Variants in PTPN13 observed in about 807,000 individuals in gnomAD.
PTPN13 encodes protein tyrosine phosphatase non-receptor type 13.
PTPN13 carries 191 observed loss-of-function variants against 284.0 expected under a neutral mutation model. That is an observed-to-expected ratio of 0.67 (90% confidence interval 0.60 to 0.76). The LOEUF is 0.76. Ranked by LOEUF, PTPN13 falls within the 30% of genes least tolerant of loss-of-function variation. The pLI, the probability that PTPN13 is intolerant of heterozygous loss-of-function variation, is 0.00. For synonymous variants in PTPN13, 986 were observed against 1,022.3 expected (o/e 0.96, Z 0.68); for missense variants, 2,797 against 2,939.9 (o/e 0.95, Z 1.12).
At chr4:86,618,135 T>G (rs1265150288) in intron 1 of PTPN13, among the ~76,000 whole-genome samples, 4 of 152,134 alleles carry the variant, frequency 2.6e-5, no homozygotes, top group Non-Finnish European at 5.9e-5. Flanking sequence ...AGTTTCAGCT[T>G]TCTACATATG....
intron 1 of PTPN13, among the ~76,000 whole-genome samples, chr4:86,607,029 A>G (rs1440617638): frequency 6.6e-6 from 1 of 151,908 alleles, no homozygotes; most frequent in Admixed American, 6.6e-5. Context: ...TAAATTCATT[A>G]AACCTCTTAA....
chr4:86,696,071 A>G (rs923274557), intron 6 of PTPN13, among the ~76,000 whole-genome samples: 1 of 151,968 alleles, frequency 6.6e-6, no homozygotes, highest in African/African-American at 2.4e-5. Flanking sequence ...TTCAGAAATT[A>G]ATTGTTACAT....
chr4:86,779,348 T>TG (rs1741025697), intron 35 of PTPN13, among the ~76,000 whole-genome samples: 2 of 144,952 alleles, frequency 1.4e-5, no homozygotes, highest in African/African-American at 5.2e-5. Flanking sequence ...ACCCGGGAGG[T>TG]GGAGCTTGCA....
chr4:86,678,526 G>A (rs553376525), intron 3 of PTPN13, among the ~76,000 whole-genome samples: 1 of 152,278 alleles, frequency 6.6e-6, no homozygotes, highest in South Asian at 2.1e-4. Flanking sequence ...CTAGCACCAT[G>A]CTCTTGACTT....
chr4:86,722,625 A>G (rs1288095506), intron 10 of PTPN13, among the ~76,000 whole-genome samples, 191 bp downstream of exon 10: 1 of 152,178 alleles, frequency 6.6e-6, no homozygotes, highest in Non-Finnish European at 1.5e-5. Context: ...AGCTATTTTC[A>G]TTATTTTATC....
intron 2 of PTPN13, among the ~76,000 whole-genome samples, chr4:86,665,577 AC>A (rs1565270364): frequency 6.6e-6 from 1 of 152,214 alleles, no homozygotes; most frequent in Non-Finnish European, 1.5e-5. Flanking sequence ...ATCTGTGCTA[AC>A]TAGGAATATC....
chr4:86,803,572 G>A lies in PTPN13; in HGVS notation c.6506-137G>A, dbSNP rs923099150. The A allele has an allele frequency of 4.3e-5, 40 of 925,158 alleles. No homozygotes were observed. In the Middle Eastern group the frequency reaches 8.9e-4, roughly 21 times the overall value. 57.3% of individuals were successfully genotyped at this position (925,158 alleles called of 1,614,324 possible). ...TACAGAACTGCACTCCATCGTAGGC[G>A]ACAGAACAAGATTCTATCTCTAAAT... On this transcript the variant is annotated intron_variant, in intron 42 of 47. Coordinates refer to ENST00000411767, the MANE Select transcript of PTPN13 (RefSeq NM_080683.3).
At chr4:86,775,884 A>G (rs1168969711) in intron 35 of PTPN13, among the ~76,000 whole-genome samples, 1 of 152,218 alleles carries the variant, frequency 6.6e-6, no homozygotes, top group African/African-American at 2.4e-5. Context: ...CAAGTAATAG[A>G]AAATAAAACT....
Position 86,701,745 on chromosome 4 carries a change from G to A in PTPN13, c.1139G>A (p.Arg380Gln), listed in dbSNP as rs374521472. 2.0e-5 allele frequency: 33 copies of A among 1,613,496 alleles called. No homozygotes were observed. Among genetic ancestry groups the A allele is most frequent in the Non-Finnish European group, 2.7e-5 (32 of 1,179,762 alleles). ...TCAGCAATATCAAGTGCTTTGGACC[G>A]AATCCGAGAGAGACAAAAGAAACTT... Reference protein sequence around the residue: ...TSSAISSALDRIRERQKKLQV... With the variant: ...TSSAISSALDQIRERQKKLQV... Residue 380 changes from arginine to glutamine, a missense_variant, in exon 7 of 48, where the codon CGA (arginine) becomes CAA (glutamine). By Grantham distance (43) the Arg-to-Gln change is conservative. Coordinates refer to ENST00000411767, the MANE Select transcript of PTPN13 (RefSeq NM_080683.3).
At chr4:86,794,903 T>C (rs1743145915) in intron 40 of PTPN13, among the ~76,000 whole-genome samples, 1 of 152,130 alleles carries the variant, frequency 6.6e-6, no homozygotes, top group African/African-American at 2.4e-5. Flanking sequence ...TAACTCAAGA[T>C]GGATTAAAGA....
intron 17 of PTPN13, among the ~76,000 whole-genome samples, chr4:86,748,973 A>G (rs1045822324): frequency 2.0e-5 from 3 of 152,266 alleles, no homozygotes; most frequent in East Asian, 1.9e-4. Context: ...GGAATTTTTA[A>G]CAAAGGTGTA....
At chr4:86,792,549 A>G (rs979518289) in intron 40 of PTPN13, among the ~76,000 whole-genome samples, 5 of 152,212 alleles carry the variant, frequency 3.3e-5, no homozygotes, top group Non-Finnish European at 5.9e-5. Context: ...CCCAAGACAC[A>G]TAATTGTCAG....
At chr4:86,761,260 T>C (rs1738660568) in intron 23 of PTPN13, among the ~76,000 whole-genome samples, 1 of 150,960 alleles carries the variant, frequency 6.6e-6, no homozygotes, top group Non-Finnish European at 1.5e-5. Flanking sequence ...ATTCTGTTGC[T>C]ATCCATGTAC....
chr4:86,739,455 C>G (rs1333491601), intron 15 of PTPN13, among the ~76,000 whole-genome samples: 1 of 152,096 alleles, frequency 6.6e-6, no homozygotes, highest in Non-Finnish European at 1.5e-5. Flanking sequence ...GGGAAACTCC[C>G]CTCCTTAAAA....
intron 1 of PTPN13, among the ~76,000 whole-genome samples, chr4:86,596,387 T>C (rs1195328114): frequency 6.6e-6 from 1 of 152,206 alleles, no homozygotes; most frequent in African/African-American, 2.4e-5. Context: ...TATAAATGGC[T>C]TTTCATGTCA....
chr4:86,698,405 T>C (rs76609847), intron 6 of PTPN13, among the ~76,000 whole-genome samples: 1,796 of 152,288 alleles, frequency 0.012, 21 homozygotes, highest in South Asian at 0.055. Flanking sequence ...TCATTACATA[T>C]GATTGGAACT....
chr4:86,797,878 T>C (rs935680648), intron 41 of PTPN13, among the ~76,000 whole-genome samples: 2 of 152,044 alleles, frequency 1.3e-5, no homozygotes, highest in East Asian at 3.9e-4. Context: ...GGGAAAGGGT[T>C]TTTATCTATG....
intron 2 of PTPN13, among the ~76,000 whole-genome samples, chr4:86,655,439 G>C (rs1725667530): frequency 6.6e-6 from 1 of 152,058 alleles, no homozygotes. Context: ...CAGGCTTGGT[G>C]GTGACAAAAT....
intron 5 of PTPN13, among the ~76,000 whole-genome samples, chr4:86,693,057 G>T (rs116194800): frequency 0.037 from 4,687 of 125,354 alleles, 249 homozygotes; most frequent in African/African-American, 0.12. Context: ...GACAGAGTGA[G>T]ACTCCGTTAT....
Sources: allele counts gnomAD v4.1 joint callset (sites outside exome capture counted in the v4.1 genomes callset), GRCh38; gene constraint gnomAD v4.1.1; transcripts MANE v1.5; gene names NCBI Gene and HGNC (gene_info 2026-07-23, HGNC 2026-07-21).